The following AGBL1 variants were observed in gnomAD, a reference collection of about 807,000 sequenced individuals.
AGBL1 encodes cytosolic carboxypeptidase 4.
Under a neutral mutation model 118.9 loss-of-function variants are expected in AGBL1, and 130 were observed. The ratio of observed to expected loss-of-function variants is 1.09; its 90% confidence interval spans 0.95 to 1.26. The LOEUF (loss-of-function observed/expected upper bound fraction) is 1.26. AGBL1 is among the 50% of genes most tolerant of loss of function. AGBL1 has a pLI of 0.00. For synonymous variants in AGBL1, 555 were observed against 478.9 expected (o/e 1.16, Z -2.08); for missense variants, 1,584 against 1,298.1 (o/e 1.22, Z -3.38).
At position 86,266,397 on chromosome 15, in the gene AGBL1, G is replaced by A. The variant is rs750596858; in HGVS notation, c.1691G>A (p.Arg564Gln). 1.3e-5 allele frequency: 21 copies of A among 1,580,010 alleles called. No homozygotes were observed. Among genetic ancestry groups the A allele is most frequent in the South Asian group, 4.7e-5 (4 of 85,926 alleles). Residue 564 changes from arginine (R) to glutamine (Q), a missense_variant, in exon 12 of 23, where the codon CGG (arginine) becomes CAG (glutamine). Transcript: ENST00000614907. ...VQRIRIFEDI[R>Q]RLIQPSDVIN... Reference sequence around the variant, plus strand: ...AGGATCAGGATATTTGAGGATATTCGGAGGCTCATCCAGCCAAGTGATGTT... The same window carrying A: ...AGGATCAGGATATTTGAGGATATTCAGAGGCTCATCCAGCCAAGTGATGTT...
chr15:86,688,865 G>A (rs547805717), intron 22 of AGBL1, among the ~76,000 whole-genome samples: 10 of 151,780 alleles, frequency 6.6e-5, no homozygotes, highest in South Asian at 2.1e-4. Flanking sequence ...TAATTCATTC[G>A]TCACTCTACT....
At chr15:86,800,306 A>G (rs937395743) in intron 22 of AGBL1, among the ~76,000 whole-genome samples, 1 of 152,140 alleles carries the variant, frequency 6.6e-6, no homozygotes, top group African/African-American at 2.4e-5. Flanking sequence ...CCATGTAAAG[A>G]GAATTATGAG....
chr15:86,718,093 AATT>A (rs1016931023), intron 22 of AGBL1, among the ~76,000 whole-genome samples: 5 of 152,122 alleles, frequency 3.3e-5, no homozygotes, highest in African/African-American at 7.2e-5. Flanking sequence ...TAAACAAAAA[AATT>A]ATTATAGAAA....
At chr15:86,283,723 C>G (rs1190301759) in intron 16 of AGBL1, among the ~76,000 whole-genome samples, 1 of 151,990 alleles carries the variant, frequency 6.6e-6, no homozygotes, top group African/African-American at 2.4e-5. Flanking sequence ...TTGTATAGGC[C>G]AAACAAATGA....
intron 17 of AGBL1, among the ~76,000 whole-genome samples, chr15:86,342,159 T>C (rs2080471041): frequency 6.6e-6 from 1 of 152,192 alleles, no homozygotes; most frequent in Non-Finnish European, 1.5e-5. Flanking sequence ...TTTTTACTGC[T>C]ACTTCTCTGC....
chr15:86,847,044 T>C (rs969248048), intron 22 of AGBL1, among the ~76,000 whole-genome samples: 9 of 152,230 alleles, frequency 5.9e-5, no homozygotes, highest in Non-Finnish European at 1.2e-4. Context: ...ACATTTTAAT[T>C]CTACTATTGA....
Position 86,112,481 on chromosome 15 carries a change from T to C in AGBL1, c.52-29523T>C, listed in dbSNP as rs559026391. ...TCAATGATTGAACATTGTTCCATTG[T>C]ATTATGGCAATTTATTTAACGTTAG... On this transcript the variant is annotated intron_variant, in intron 1 of 22. Coordinates refer to ENST00000614907, the MANE Select transcript of AGBL1 (RefSeq NM_001386094.1). Among the ~76,000 whole-genome samples, 142 of 152,380 alleles carry C rather than the reference T, an allele frequency of 9.3e-4. 1 individual carries two copies. The South Asian group carries it at 0.01, about 11-fold the overall frequency.
chr15:86,372,792 TAAG>T, intron 17 of AGBL1, among the ~76,000 whole-genome samples: 1 of 152,310 alleles, frequency 6.6e-6, no homozygotes, highest in South Asian at 2.1e-4. Context: ...CTGGAAAAAT[TAAG>T]AAGACAAGGG....
chr15:86,162,543 C>G (rs996498121), intron 5 of AGBL1, among the ~76,000 whole-genome samples: 4 of 152,188 alleles, frequency 2.6e-5, no homozygotes, highest in Non-Finnish European at 5.9e-5. Flanking sequence ...CAGCCCAGGG[C>G]AGGCAGCTAT....
At chr15:86,967,889 G>A (rs188098569) in intron 23 of AGBL1, among the ~76,000 whole-genome samples, 240 of 152,136 alleles carry the variant, frequency 1.6e-3, no homozygotes, top group African/African-American at 5.5e-3. Flanking sequence ...TGATGGGGAT[G>A]GCATTGAATG....
intron 18 of AGBL1, among the ~76,000 whole-genome samples, chr15:86,474,117 G>A (rs903836098): frequency 2.0e-5 from 3 of 152,148 alleles, no homozygotes; most frequent in Non-Finnish European, 4.4e-5. Context: ...GGCCAAATAG[G>A]AATAGCTCAA....
chr15:86,233,338 C>T (rs527463086), intron 6 of AGBL1, among the ~76,000 whole-genome samples: 1 of 151,838 alleles, frequency 6.6e-6, no homozygotes, highest in Admixed American at 6.6e-5. Context: ...CATGGGAGGG[C>T]TAGCCCAGGC....
intron 5 of AGBL1, among the ~76,000 whole-genome samples, chr15:86,160,805 T>C (rs1433470819): frequency 6.6e-6 from 1 of 152,162 alleles, no homozygotes; most frequent in East Asian, 1.9e-4. Flanking sequence ...CCTCTGCCAC[T>C]TGGGTACCAT....
chr15:86,920,245 C>T (rs2080470576), downstream of AGBL1, among the ~76,000 whole-genome samples: 1 of 152,168 alleles, frequency 6.6e-6, no homozygotes, highest in African/African-American at 2.4e-5. Flanking sequence ...TCCTAGCCAG[C>T]TGTCAGAGGG....
intron 17 of AGBL1, among the ~76,000 whole-genome samples, chr15:86,392,101 C>T (rs372132026): frequency 2.6e-5 from 4 of 152,096 alleles, no homozygotes; most frequent in South Asian, 4.1e-4. Flanking sequence ...CTAAAAATCA[C>T]GTAGATTACC....
chr15:87,012,227 A>ACG (rs1491448497), intron 24 of AGBL1, among the ~76,000 whole-genome samples: 1 of 149,528 alleles, frequency 6.7e-6, no homozygotes, highest in Non-Finnish European at 1.5e-5. Context: ...ACACACACAC[A>ACG]CGCTTGCATA....
At chr15:86,668,398 T>C (rs1049896576) in intron 21 of AGBL1, among the ~76,000 whole-genome samples, 2 of 152,216 alleles carry the variant, frequency 1.3e-5, no homozygotes, top group Non-Finnish European at 2.9e-5. Context: ...TATTGTTTCC[T>C]TTTTGTGCCT....
intron 19 of AGBL1, among the ~76,000 whole-genome samples, chr15:86,528,285 G>A (rs538980313): frequency 5.8e-4 from 89 of 152,364 alleles, no homozygotes; most frequent in African/African-American, 2.0e-3. Context: ...GCGAGGCATT[G>A]CCTCACCTGG....
At chr15:86,997,923 A>G (rs2081395152) in intron 24 of AGBL1, among the ~76,000 whole-genome samples, 1 of 142,254 alleles carries the variant, frequency 7.0e-6, no homozygotes, top group Non-Finnish European at 1.5e-5. Flanking sequence ...ACACACACAC[A>G]CACACACACA....
Sources: gnomAD v4.1 joint callset for allele counts (sites outside exome capture counted in the v4.1 genomes callset) on GRCh38, gnomAD v4.1.1 for gene constraint, MANE v1.5 for transcripts, NCBI Gene and HGNC (gene_info 2026-07-23, HGNC 2026-07-21) for gene names.